Variants in FHIT observed in about 807,000 individuals in gnomAD.
The protein encoded by FHIT is fragile histidine triad diadenosine triphosphatase.
Under a neutral mutation model 17.9 loss-of-function variants are expected in FHIT, and 19 were observed. The observed-to-expected ratio is 1.06, with a 90% CI of 0.74 to 1.56. The LOEUF is 1.56. Ranked by LOEUF, FHIT falls within the 40% of genes most tolerant of loss-of-function variation. The probability of loss-of-function intolerance (pLI) is 0.00; values close to 1 mark genes in which losing one functional copy is unlikely to be tolerated. For missense variants in FHIT, 248 were observed against 189.2 expected (o/e 1.31, Z -1.82); for synonymous variants, 81 against 69.7 (o/e 1.16, Z -0.81).
rs528707740 is a variant in FHIT at position 60,853,273 on chromosome 3, T to C, written c.-110-31262A>G. 2.0e-5 allele frequency among the ~76,000 whole-genome samples: 3 copies of C among 152,294 alleles called. No homozygotes were observed. The East Asian group carries it at 5.8e-4, about 29-fold the overall frequency. ...ATATAATATTAGCAGCTTTTTCTTC[T>C]AAATAAAAATATTTCTTTGAACAGG... On this transcript the variant is annotated intron_variant, in intron 3 of 9. Transcript: ENST00000492590.
At chr3:60,807,420 A>G (rs1181107090) in intron 4 of FHIT, among the ~76,000 whole-genome samples, 11 of 145,012 alleles carry the variant, frequency 7.6e-5, no homozygotes, top group African/African-American at 2.3e-4. Flanking sequence ...AAAAAAAAAG[A>G]AAAAAAAAAA....
chr3:60,972,875 A>T (rs909156062), intron 3 of FHIT, among the ~76,000 whole-genome samples: 3 of 152,080 alleles, frequency 2.0e-5, no homozygotes, highest in Non-Finnish European at 4.4e-5. Flanking sequence ...TTTAAATTAC[A>T]CTTACTGTAA....
chr3:59,848,758 G>A (rs887494982), intron 8 of FHIT, among the ~76,000 whole-genome samples: 1 of 152,102 alleles, frequency 6.6e-6, no homozygotes, highest in Non-Finnish European at 1.5e-5. Flanking sequence ...TCCAAATATG[G>A]TGTCATATAA....
At chr3:61,017,440 G>C (rs1258304657) in intron 3 of FHIT, among the ~76,000 whole-genome samples, 1 of 152,206 alleles carries the variant, frequency 6.6e-6, no homozygotes, top group Non-Finnish European at 1.5e-5. Context: ...GAGAACTTCA[G>C]GACACATTTA....
chr3:59,748,111 C>T lies in FHIT; in HGVS notation c.*1474G>A, dbSNP rs1056200972. Among the ~76,000 whole-genome samples, 7 of 152,138 alleles carry T rather than the reference C, an allele frequency of 4.6e-5. No individual in the cohort carries two copies. The highest frequency in any genetic ancestry group is 7.2e-5 in the African/African-American group (3 of 41,438). ...CTAGTTGCTAAGGCAAGCAACTATG[C>T]AGAGCTGGAAATCATCAGCATTGTT... is the stretch of plus-strand genomic sequence containing the variant. On this transcript the variant is annotated 3_prime_UTR_variant, in exon 10 of 10. Coordinates refer to ENST00000492590, the MANE Select transcript of FHIT (RefSeq NM_002012.4).
At chr3:59,837,503 C>T (rs571451204) in intron 8 of FHIT, among the ~76,000 whole-genome samples, 1 of 152,162 alleles carries the variant, frequency 6.6e-6, no homozygotes, top group Non-Finnish European at 1.5e-5. Context: ...TCCAATCCTC[C>T]ATTGATTGAA....
intron 3 of FHIT, among the ~76,000 whole-genome samples, chr3:61,004,538 A>G (rs761373250): frequency 1.3e-5 from 2 of 152,232 alleles, no homozygotes; most frequent in Non-Finnish European, 2.9e-5. Context: ...AAGGGGAAGG[A>G]GCACTGACCA....
At chr3:60,253,057 G>A (rs1453860646) in intron 5 of FHIT, among the ~76,000 whole-genome samples, 1 of 151,942 alleles carries the variant, frequency 6.6e-6, no homozygotes, top group Non-Finnish European at 1.5e-5. Context: ...AAAAAACACT[G>A]TGGCCTCATC....
chr3:60,001,723 T>G (rs1427403254), intron 7 of FHIT, among the ~76,000 whole-genome samples: 1 of 152,176 alleles, frequency 6.6e-6, no homozygotes, highest in Non-Finnish European at 1.5e-5. Flanking sequence ...TCCCGTGCTC[T>G]GAGTTTCTTC....
chr3:61,232,071 G>A (rs1253851769), intron 1 of FHIT, among the ~76,000 whole-genome samples: 1 of 152,198 alleles, frequency 6.6e-6, no homozygotes, highest in Non-Finnish European at 1.5e-5. Flanking sequence ...ATACAAGACT[G>A]TCCATATGTA....
chr3:60,607,013 C>G (rs2038629577), intron 4 of FHIT, among the ~76,000 whole-genome samples: 1 of 152,102 alleles, frequency 6.6e-6, no homozygotes, highest in Non-Finnish European at 1.5e-5. Context: ...GCTGCTCATT[C>G]CATTGCTGGA....
chr3:60,837,671 T>C (rs187729243), intron 3 of FHIT, among the ~76,000 whole-genome samples: 2 of 152,284 alleles, frequency 1.3e-5, no homozygotes, highest in Admixed American at 6.5e-5. Flanking sequence ...GTTTGTTCTC[T>C]TTGTGGTTTT....
At chr3:61,007,745 C>T (rs2031546363) in intron 3 of FHIT, among the ~76,000 whole-genome samples, 1 of 152,142 alleles carries the variant, frequency 6.6e-6, no homozygotes, top group African/African-American at 2.4e-5. Flanking sequence ...CTGTAGGATC[C>T]CTTTTACCAG....
At chr3:60,503,913 A>T (rs1463909630) in intron 5 of FHIT, among the ~76,000 whole-genome samples, 1 of 152,182 alleles carries the variant, frequency 6.6e-6, no homozygotes, top group Non-Finnish European at 1.5e-5. Context: ...TAACAGTATT[A>T]AATTCTTGCT....
intron 5 of FHIT, among the ~76,000 whole-genome samples, chr3:60,104,954 C>T (rs895770461): frequency 2.6e-5 from 4 of 152,106 alleles, no homozygotes; most frequent in African/African-American, 9.7e-5. Context: ...GAAGCTCTTA[C>T]TGTCTTTAGT....
chr3:60,898,209 G>A (rs921435909), intron 3 of FHIT, among the ~76,000 whole-genome samples: 11 of 151,830 alleles, frequency 7.2e-5, no homozygotes, highest in Admixed American at 6.6e-4. Context: ...GTCTGCAAAG[G>A]CATTTTAAAA....
chr3:61,003,953 T>C (rs1216967320), intron 3 of FHIT, among the ~76,000 whole-genome samples: 4 of 152,200 alleles, frequency 2.6e-5, no homozygotes, highest in Non-Finnish European at 5.9e-5. Flanking sequence ...TCTGTGAGTG[T>C]ACTTGTGTAC....
chr3:59,759,870 C>T (rs1439900908), intron 8 of FHIT, among the ~76,000 whole-genome samples: 1 of 152,096 alleles, frequency 6.6e-6, no homozygotes, highest in Non-Finnish European at 1.5e-5. Flanking sequence ...AAACCTCTGC[C>T]TGCCACTTGT....
At chr3:60,692,457 G>T (rs1233546727) in intron 4 of FHIT, among the ~76,000 whole-genome samples, 2 of 152,096 alleles carry the variant, frequency 1.3e-5, no homozygotes, top group African/African-American at 4.8e-5. Context: ...TAATCACAAG[G>T]GTCATTAAAT....
Sources: allele counts gnomAD v4.1 joint callset (sites outside exome capture counted in the v4.1 genomes callset), GRCh38; gene constraint gnomAD v4.1.1; transcripts MANE v1.5; gene names NCBI Gene and HGNC (gene_info 2026-07-23, HGNC 2026-07-21).